The following PTPRD variants were observed in gnomAD, a reference collection of about 807,000 sequenced individuals.
PTPRD encodes the protein protein tyrosine phosphatase receptor type D.
A neutral mutation model predicts 214.5 loss-of-function variants in PTPRD; 34 were observed. That is an observed-to-expected ratio of 0.16 (90% CI 0.12 to 0.21). PTPRD has a LOEUF of 0.21. Among genes scored for constraint, PTPRD ranks in the 10% least tolerant of loss-of-function variants. The pLI, the probability that PTPRD is intolerant of heterozygous loss-of-function variation, is 1.00. For synonymous variants in PTPRD, 1,128 were observed against 845.7 expected (o/e 1.33, Z -5.79); for missense variants, 2,545 against 2,398.7 (o/e 1.06, Z -1.27).
intron 4 of PTPRD, among the ~76,000 whole-genome samples, chr9:10,007,161 A>C (rs963212434): frequency 6.6e-6 from 1 of 152,014 alleles, no homozygotes; most frequent in Admixed American, 6.6e-5. Context: ...GATATGGTCC[A>C]GGATTCAAAT....
intron 2 of PTPRD, among the ~76,000 whole-genome samples, chr9:10,596,822 T>G (rs1212044167): frequency 6.6e-6 from 1 of 151,584 alleles, no homozygotes; most frequent in African/African-American, 2.4e-5. Flanking sequence ...AATATCTGCT[T>G]TTAATATTAG....
At chr9:9,089,434 A>G (rs573367836) in intron 10 of PTPRD, among the ~76,000 whole-genome samples, 13 of 152,196 alleles carry the variant, frequency 8.5e-5, no homozygotes, top group Admixed American at 7.2e-4. Context: ...ATTCAGTACG[A>G]ATATTAATAT....
chr9:8,735,227 G>A lies in PTPRD; in HGVS notation c.-103-1281C>T, dbSNP rs754471703. On this transcript the variant is annotated intron_variant, in intron 11 of 45. Coordinates refer to ENST00000381196, the MANE Select transcript of PTPRD (RefSeq NM_002839.4). Reference sequence around the variant, plus strand: ...GGTACAATCACGGCTCACTGCAAACGCTGCTTCCCAGGTTCAAGTGGTTCT... The same window carrying A: ...GGTACAATCACGGCTCACTGCAAACACTGCTTCCCAGGTTCAAGTGGTTCT... Among the ~76,000 whole-genome samples, 22 of 145,954 alleles carry A rather than the reference G, an allele frequency of 1.5e-4. No individual in the cohort carries two copies. In the South Asian group the frequency reaches 1.7e-3, roughly 12 times the overall value.
chr9:8,585,297 T>C (rs1033448934), intron 14 of PTPRD, among the ~76,000 whole-genome samples: 1 of 152,130 alleles, frequency 6.6e-6, no homozygotes, highest in Non-Finnish European at 1.5e-5. Flanking sequence ...TTATTATATA[T>C]TTAACTTTAT....
intron 9 of PTPRD, among the ~76,000 whole-genome samples, chr9:9,327,904 TAAAA>T (rs35650113): frequency 7.0e-6 from 1 of 142,894 alleles, no homozygotes. Flanking sequence ...GTTGATGAGC[TAAAA>T]AAAAAAAAAA....
chr9:8,416,882 T>C (rs1446045103), intron 35 of PTPRD, among the ~76,000 whole-genome samples: 9 of 151,926 alleles, frequency 5.9e-5, no homozygotes, highest in Admixed American at 5.9e-4. Context: ...CATAGAAGGG[T>C]TAAGATACTT....
At chr9:10,016,224 A>T (rs765919408) in intron 4 of PTPRD, among the ~76,000 whole-genome samples, 10 of 152,184 alleles carry the variant, frequency 6.6e-5, no homozygotes, top group Non-Finnish European at 1.5e-4. Flanking sequence ...CTTGTTTTTA[A>T]AAATTTGCTA....
At chr9:8,349,909 C>T (rs1243672908) in intron 39 of PTPRD, among the ~76,000 whole-genome samples, 1 of 149,066 alleles carries the variant, frequency 6.7e-6, no homozygotes, top group Non-Finnish European at 1.5e-5. Flanking sequence ...CAGCAGCAAA[C>T]CAAATTATTG....
In PTPRD at chr9:8,517,963, G is replaced by T. The variant is rs1398028690; in HGVS notation, c.1428C>A (p.Ile476=). The change falls in exon 21 of 46, where the codon ATC becomes ATA. Residue 476 remains isoleucine, a synonymous_variant. Coordinates refer to ENST00000381196, the MANE Select transcript of PTPRD (RefSeq NM_002839.4). ...WMKHNVADSQ[I]TTIGNLVPQK... ...GGGGCACTAAGTTGCCAATAGTAGTGATTTGGCTGTCAGCTACATTGTGTT... is the reference window on the plus strand; with the variant it reads ...GGGGCACTAAGTTGCCAATAGTAGTTATTTGGCTGTCAGCTACATTGTGTT... The T allele has an allele frequency of 1.9e-6, 3 of 1,614,186 alleles. No individual in the cohort carries two copies. The highest frequency in any genetic ancestry group is 2.2e-5 in the South Asian group (2 of 91,082).
chr9:10,434,154 T>A (rs976930712), intron 2 of PTPRD, among the ~76,000 whole-genome samples: 1 of 151,906 alleles, frequency 6.6e-6, no homozygotes, highest in African/African-American at 2.4e-5. Flanking sequence ...TTATTTTTTT[T>A]ATTTCAAATT....
At chr9:8,888,457 C>T (rs180947635) in intron 11 of PTPRD, among the ~76,000 whole-genome samples, 1 of 152,116 alleles carries the variant, frequency 6.6e-6, no homozygotes, top group East Asian at 1.9e-4. Context: ...AAAAAGGTAA[C>T]ATGAAATAAA....
chr9:8,732,183 A>C (rs2098666867), intron 12 of PTPRD, among the ~76,000 whole-genome samples: 1 of 152,156 alleles, frequency 6.6e-6, no homozygotes, highest in African/African-American at 2.4e-5. Context: ...TCCTTTCTAA[A>C]CTCCACATCT....
At chr9:8,527,310 T>C in intron 16 of PTPRD, 35 bp downstream of exon 16, 1 of 1,595,584 alleles carries the variant, frequency 6.3e-7, no homozygotes, top group Non-Finnish European at 8.6e-7. Context: ...TGGAAATTAG[T>C]GGGGTTGAAG....
chr9:9,063,788 T>C (rs553677209), intron 10 of PTPRD, among the ~76,000 whole-genome samples: 1 of 152,298 alleles, frequency 6.6e-6, no homozygotes, highest in Admixed American at 6.5e-5. Flanking sequence ...AAAGAAAAGG[T>C]GTGCTGGAAT....
chr9:9,061,000 G>A (rs1032003703), intron 10 of PTPRD, among the ~76,000 whole-genome samples: 30 of 152,202 alleles, frequency 2.0e-4, no homozygotes, highest in African/African-American at 7.0e-4. Flanking sequence ...AAATACAAAA[G>A]CATACATACT....
intron 11 of PTPRD, among the ~76,000 whole-genome samples, chr9:8,769,724 A>G (rs186043287): frequency 2.0e-5 from 3 of 152,250 alleles, no homozygotes; most frequent in Admixed American, 6.5e-5. Context: ...TCTATCTCTT[A>G]AAAAACTTTA....
intron 12 of PTPRD, among the ~76,000 whole-genome samples, chr9:8,674,889 G>C (rs2154366971): frequency 6.6e-6 from 1 of 152,144 alleles, no homozygotes. Context: ...CACTAAACTA[G>C]CCAAGGTCCT....
intron 44 of PTPRD, among the ~76,000 whole-genome samples, chr9:8,323,256 T>G (rs1319022402): frequency 6.6e-6 from 1 of 152,190 alleles, no homozygotes; most frequent in Non-Finnish European, 1.5e-5. Context: ...TCTGGTGGAA[T>G]GTACAAGGAG....
At chr9:8,367,899 A>C (rs10815835) in intron 39 of PTPRD, among the ~76,000 whole-genome samples, 2 of 152,146 alleles carry the variant, frequency 1.3e-5, no homozygotes, top group Admixed American at 6.6e-5. Context: ...CTATGAAAGA[A>C]ATACCACTAT....
Sources: gnomAD v4.1 joint callset for allele counts (sites outside exome capture counted in the v4.1 genomes callset) on GRCh38, gnomAD v4.1.1 for gene constraint, MANE v1.5 for transcripts, NCBI Gene and HGNC (gene_info 2026-07-23, HGNC 2026-07-21) for gene names.